The following IMPG1 variants were observed in gnomAD, a reference collection of about 807,000 sequenced individuals.
The protein encoded by IMPG1 is interphotoreceptor matrix proteoglycan of 150 kDa.
Under a neutral mutation model 92.0 loss-of-function variants are expected in IMPG1, and 85 were observed. The ratio of observed to expected loss-of-function variants is 0.92; its 90% CI spans 0.78 to 1.11. The LOEUF (loss-of-function observed/expected upper bound fraction) is 1.11, where lower values mean the gene tolerates loss of function less well. Among genes scored for constraint, IMPG1 ranks in the 50% least tolerant of loss-of-function variants. The probability of loss-of-function intolerance (pLI) is 0.00; values close to 1 mark genes in which losing one functional copy is unlikely to be tolerated. For synonymous variants in IMPG1, 367 were observed against 334.1 expected (o/e 1.10, Z -1.08); for missense variants, 1,022 against 956.0 (o/e 1.07, Z -0.91).
At chr6:75,940,968 C>T (rs1227949616) in intron 14 of IMPG1, among the ~76,000 whole-genome samples, 1 of 152,180 alleles carries the variant, frequency 6.6e-6, no homozygotes, top group Admixed American at 6.5e-5. Context: ...TATCCCTTCA[C>T]CTCTGTAGAA....
At chr6:75,965,589 T>A (rs2149463431) in intron 12 of IMPG1, among the ~76,000 whole-genome samples, 1 of 151,294 alleles carries the variant, frequency 6.6e-6, no homozygotes, top group South Asian at 2.1e-4. Context: ...ATTGTTTATA[T>A]TTTCTACATA....
intron 1 of IMPG1, among the ~76,000 whole-genome samples, chr6:76,071,245 A>G (rs1784399409): frequency 6.7e-6 from 1 of 149,594 alleles, no homozygotes; most frequent in Non-Finnish European, 1.5e-5. Context: ...AAATAGAAAA[A>G]ATCGTTAAAT....
chr6:76,024,643 T>C (rs966602973), intron 5 of IMPG1, among the ~76,000 whole-genome samples: 1 of 146,676 alleles, frequency 6.8e-6, no homozygotes, highest in African/African-American at 2.4e-5. Context: ...TTAAAATCCA[T>C]AGTGTTTGAC....
Position 76,034,690 on chromosome 6 carries a change from C to G in IMPG1, c.399G>C (p.Glu133Asp), listed in dbSNP as rs1319224549. Residue 133 changes from glutamate (E) to aspartate (D), a missense_variant, in exon 3 of 17, where the codon GAG (glutamate) becomes GAC (aspartate). Glu to Asp is a conservative substitution (Grantham distance 45). Around this residue, in one of 3 missense-constraint regions of IMPG1, gnomAD observed 681 missense variants for 583.6 expected, o/e 1.17. Coordinates refer to ENST00000369950, the MANE Select transcript of IMPG1 (RefSeq NM_001563.4). Reference sequence around the variant, plus strand: ...TTCCAATGTCAAAGAGGCAGAAGGTCTCCTGCTGGCAGATGCTGACCCAGT... The same window carrying G: ...TTCCAATGTCAAAGAGGCAGAAGGTGTCCTGCTGGCAGATGCTGACCCAGT... ...YQDWVSICQQ[E>D]TFCLFDIGKN... The G allele has an allele frequency of 6.2e-7, 1 of 1,614,160 alleles. No individual in the cohort carries two copies. The highest frequency in any genetic ancestry group is 8.5e-7 in the Non-Finnish European group (1 of 1,180,018).
At chr6:75,966,761 A>G (rs1243816584) in intron 12 of IMPG1, among the ~76,000 whole-genome samples, 1 of 151,880 alleles carries the variant, frequency 6.6e-6, no homozygotes, top group Non-Finnish European at 1.5e-5. Context: ...GATAAAATGT[A>G]GAAGAAAGAC....
chr6:75,954,112 C>T (rs766146009), intron 12 of IMPG1, among the ~76,000 whole-genome samples: 8 of 152,062 alleles, frequency 5.3e-5, no homozygotes, highest in Non-Finnish European at 8.8e-5. Context: ...ATTTATAATC[C>T]TTTGGGTATA....
chr6:76,067,504 G>A (rs1159032623), intron 1 of IMPG1, among the ~76,000 whole-genome samples: 1 of 151,908 alleles, frequency 6.6e-6, no homozygotes, highest in African/African-American at 2.4e-5. Context: ...TAGAAATCCT[G>A]AATAGAACAA....
Position 75,974,357 on chromosome 6 carries a change from TTC to T in IMPG1, c.1292-23265_1292-23264del, listed in dbSNP as rs1491407787. Among the ~76,000 whole-genome samples, 11 of 122,532 alleles carry T rather than the reference TTC, an allele frequency of 9.0e-5. No individual in the cohort carries two copies. In the East Asian group the frequency reaches 1.6e-3, roughly 18 times the overall value. 80.4% of individuals were successfully genotyped at this position (122,532 alleles called of 152,430 possible). On this transcript the variant is annotated intron_variant, in intron 12 of 16. Transcript: ENST00000369950. ...TTTCTTTCTTTCTTTCTTTCTTTCT[TTC>T]TTTCTTTCTTTCTTTCTTTCTTTCT...
intron 12 of IMPG1, among the ~76,000 whole-genome samples, chr6:75,978,080 T>A (rs1377508046): frequency 6.6e-6 from 1 of 152,110 alleles, no homozygotes; most frequent in Non-Finnish European, 1.5e-5. Context: ...GGAGCTATGG[T>A]ATCCATTATG....
At chr6:75,938,809 C>CACAAAACAAA (rs1392150295) in intron 14 of IMPG1, among the ~76,000 whole-genome samples, 5 of 73,376 alleles carry the variant, frequency 6.8e-5, no homozygotes, top group Non-Finnish European at 1.5e-4. Context: ...CAGGCTCCAT[C>CACAAAACAAA]TCAAAACAAA....
At chr6:76,010,478 T>C (rs1028620944) in intron 8 of IMPG1, among the ~76,000 whole-genome samples, 1 of 152,228 alleles carries the variant, frequency 6.6e-6, no homozygotes, top group African/African-American at 2.4e-5. Context: ...TGCTGAAGGA[T>C]ACAGCCCTCC....
chr6:76,055,333 A>G (rs1022028891), intron 1 of IMPG1, among the ~76,000 whole-genome samples: 2 of 152,126 alleles, frequency 1.3e-5, no homozygotes, highest in African/African-American at 4.8e-5. Flanking sequence ...AGAAATAATT[A>G]TCGTTATTAG....
intron 1 of IMPG1, among the ~76,000 whole-genome samples, chr6:76,056,043 T>G (rs1041145060): frequency 4.6e-5 from 7 of 152,016 alleles, no homozygotes; most frequent in African/African-American, 1.7e-4. Flanking sequence ...AGAAAAAATT[T>G]ATGGTCCGAG....
intron 2 of IMPG1, among the ~76,000 whole-genome samples, chr6:76,038,759 AT>A (rs1194462261): frequency 6.6e-6 from 1 of 152,212 alleles, no homozygotes; most frequent in Non-Finnish European, 1.5e-5. Flanking sequence ...TTGCCGGCCA[AT>A]GCCTGAAATC....
intron 1 of IMPG1, among the ~76,000 whole-genome samples, chr6:76,070,050 G>A (rs891258434): frequency 6.6e-6 from 1 of 152,178 alleles, no homozygotes; most frequent in South Asian, 2.1e-4. Flanking sequence ...GTACCTGCAT[G>A]ATGGGGTCAA....
intron 16 of IMPG1, 47 bp downstream of exon 16, chr6:75,923,587 A>G: frequency 1.1e-6 from 1 of 883,218 alleles, no homozygotes; most frequent in Non-Finnish European, 1.9e-6. Context: ...ATTTCCTTCA[A>G]AAGTCAAGTT....
chr6:76,027,136 AAG>A (rs1329419031), intron 4 of IMPG1, among the ~76,000 whole-genome samples: 3 of 152,238 alleles, frequency 2.0e-5, no homozygotes, highest in African/African-American at 7.2e-5. Flanking sequence ...TTTACTCTTT[AAG>A]AAATAAAAAC....
At position 76,034,295 on chromosome 6, in the gene IMPG1, ACT is replaced by A. The variant is rs747475285; in HGVS notation, c.497+18_497+19del. On this transcript the variant is annotated intron_variant, in intron 4 of 16. Transcript: ENST00000369950. ...TAAATTCAAAAGCACACACACACAC[ACT>A]CTATTTTGGGTACTTGCCTGTCAGG... 6.2e-7 allele frequency: 1 copy of A among 1,605,264 alleles called. No individual in the cohort carries two copies. Among genetic ancestry groups the A allele is most frequent in the Non-Finnish European group, 8.5e-7 (1 of 1,172,304 alleles).
At chr6:76,058,232 G>A (rs140702143) in intron 1 of IMPG1, among the ~76,000 whole-genome samples, 242 of 152,232 alleles carry the variant, frequency 1.6e-3, no homozygotes, top group Non-Finnish European at 2.4e-3. Context: ...GCAAAGACAT[G>A]AATTCATTTT....
Sources: allele counts gnomAD v4.1 joint callset (sites outside exome capture counted in the v4.1 genomes callset), GRCh38; gene constraint gnomAD v4.1.1; regional missense constraint gnomAD v4.1.1; transcripts MANE v1.5; gene names NCBI Gene and HGNC (gene_info 2026-07-23, HGNC 2026-07-21).